The following IL1RAPL2 variants were observed in gnomAD, a reference collection of about 807,000 sequenced individuals.
The protein encoded by IL1RAPL2 is X-linked interleukin-1 receptor accessory protein-like 2.
Under a neutral mutation model 44.1 loss-of-function variants are expected in IL1RAPL2, and 3 were observed. The ratio of observed to expected loss-of-function variants is 0.07; its 90% confidence interval spans 0.03 to 0.18. The LOEUF (loss-of-function observed/expected upper bound fraction) is 0.18, where lower values mean the gene tolerates loss of function less well. IL1RAPL2 is among the 10% of genes least tolerant of loss of function. The pLI is 1.00. For missense variants in IL1RAPL2, 391 were observed against 496.4 expected, an observed-to-expected ratio of 0.79 and a Z score of 2.02; for synonymous variants, 181 against 178.8, an observed-to-expected ratio of 1.01 and a Z score of -0.10.
intron 2 of IL1RAPL2, among the ~76,000 whole-genome samples, chrX:104,893,797 A>G (rs1923545960): frequency 1.8e-5 from 2 of 111,382 alleles, no homozygotes; most frequent in Middle Eastern, 4.6e-3. Context: ...TTTAAGGTTA[A>G]TATTGTTATG....
intron 2 of IL1RAPL2, among the ~76,000 whole-genome samples, chrX:104,958,021 G>A (rs2029933637): frequency 8.9e-6 from 1 of 111,861 alleles, no homozygotes; most frequent in African/African-American, 3.3e-5. Flanking sequence ...GAGTCCAGAA[G>A]GTTAAGGCTG....
At chrX:104,584,456 T>G (rs1354026585) in intron 1 of IL1RAPL2, among the ~76,000 whole-genome samples, 1 of 110,980 alleles carries the variant, frequency 9.0e-6, no homozygotes, top group Non-Finnish European at 1.9e-5. Context: ...ATAAATAGTT[T>G]TTTTTTTTTT....
At chrX:105,509,377 A>G (rs2036454053) in intron 6 of IL1RAPL2, among the ~76,000 whole-genome samples, 1 of 111,778 alleles carries the variant, frequency 8.9e-6, no homozygotes, top group African/African-American at 3.2e-5. Context: ...TAAGGCCAAT[A>G]TTACAGACTA....
intron 3 of IL1RAPL2, chrX:105,220,818 A>C (rs2033955244): frequency 1.5e-5 from 2 of 136,895 alleles, no homozygotes; most frequent in South Asian, 6.7e-4. Context: ...GGAACCTGTC[A>C]CATGGTTGGG....
intron 6 of IL1RAPL2, among the ~76,000 whole-genome samples, chrX:105,688,561 C>T (rs891227347): frequency 9.9e-5 from 11 of 111,128 alleles, no homozygotes; most frequent in Non-Finnish European, 1.9e-4. Flanking sequence ...CACTGCTCAA[C>T]GAAATAAAAG....
intron 2 of IL1RAPL2, among the ~76,000 whole-genome samples, chrX:104,903,736 C>G (rs1923885771): frequency 9.1e-6 from 1 of 109,932 alleles, no homozygotes; most frequent in African/African-American, 3.3e-5. Context: ...CATCACCATG[C>G]CTGGCTAATT....
intron 2 of IL1RAPL2, among the ~76,000 whole-genome samples, chrX:104,734,906 C>T (rs922073607): frequency 6.3e-5 from 7 of 111,678 alleles, no homozygotes; most frequent in Non-Finnish European, 1.3e-4. Flanking sequence ...ATGCTTTTAT[C>T]CTGGTGTAAT....
At chrX:105,567,072 GA>G (rs1290027289) in intron 6 of IL1RAPL2, among the ~76,000 whole-genome samples, 4 of 110,895 alleles carry the variant, frequency 3.6e-5, no homozygotes, top group Non-Finnish European at 7.6e-5. Context: ...AGATCAGAAG[GA>G]AAAAAATTCT....
At chrX:104,910,961 G>C (rs1924217161) in intron 2 of IL1RAPL2, among the ~76,000 whole-genome samples, 1 of 112,064 alleles carries the variant, frequency 8.9e-6, no homozygotes, top group Non-Finnish European at 1.9e-5. Flanking sequence ...TAATATGATA[G>C]ATATAACAGA....
intron 2 of IL1RAPL2, among the ~76,000 whole-genome samples, chrX:104,910,416 T>C (rs1190804874): frequency 1.8e-5 from 2 of 112,106 alleles, no homozygotes; most frequent in African/African-American, 6.5e-5. Flanking sequence ...ATGTGCAGAA[T>C]GTGCAGGTTT....
chrX:104,630,195 T>TG lies in IL1RAPL2; in HGVS notation c.-19-28698dup, dbSNP rs554325986. Among the ~76,000 whole-genome samples the TG allele has an allele frequency of 2.8e-5, 3 of 105,729 alleles. No homozygotes were observed. The South Asian group carries it at 1.3e-3, about 45-fold the overall frequency. The allele number at this position is 105,729 out of a possible 115,157, so 91.8% of individuals were successfully genotyped here. ...CGTAGTCTCACTCTGTCACCAGGGC[T>TG]GGAGTACAGTGGCGCGATCTCGGCT... On this transcript the variant is annotated intron_variant, in intron 1 of 10. Coordinates refer to ENST00000372582, the MANE Select transcript of IL1RAPL2 (RefSeq NM_017416.2).
chrX:104,843,980 C>T (rs533001215), intron 2 of IL1RAPL2, among the ~76,000 whole-genome samples: 17 of 110,537 alleles, frequency 1.5e-4, no homozygotes, highest in African/African-American at 5.3e-4. Context: ...TGGCTTTGAC[C>T]ATGTGGAACT....
intron 2 of IL1RAPL2, among the ~76,000 whole-genome samples, chrX:104,732,679 A>G (rs764894370): frequency 5.4e-5 from 6 of 112,069 alleles, no homozygotes; most frequent in African/African-American, 1.9e-4. Context: ...GATTTCACAA[A>G]TTAGTTTATC....
intron 1 of IL1RAPL2, among the ~76,000 whole-genome samples, chrX:104,652,585 A>C (rs982708429): frequency 8.9e-6 from 1 of 111,952 alleles, no homozygotes; most frequent in African/African-American, 3.2e-5. Context: ...GTAGGCAAAG[A>C]CAACCAAGCT....
chrX:105,489,787 T>TTCTCTCTCTCTATCTCTCTCTC (rs2036300090), intron 6 of IL1RAPL2, among the ~76,000 whole-genome samples: 1 of 73,373 alleles, frequency 1.4e-5, no homozygotes, highest in East Asian at 4.4e-4. Flanking sequence ...CTTTCTCTCT[T>TTCTCTCTCTCTATCTCTCTCTC]TCTCTCTCTC....
In IL1RAPL2 at chrX:104,912,136, GAT is replaced by G. The variant is rs1491374026; in HGVS notation, c.82+253142_82+253143del. 6.9e-4 allele frequency among the ~76,000 whole-genome samples: 7 copies of G among 10,109 alleles called. No homozygotes were observed. The Non-Finnish European group carries it at 0.031, about 45-fold the overall frequency. 8.8% of individuals were successfully genotyped at this position (10,109 alleles called of 115,157 possible). On this transcript the variant is annotated intron_variant, in intron 2 of 10. Transcript: ENST00000372582. ...CTTTTATCAGCTGCAGGTGGACAGG[GAT>G]TTTTTTTTTTCTTTTTTTCCTTTGT...
intron 4 of IL1RAPL2, among the ~76,000 whole-genome samples, chrX:105,250,351 A>G (rs906326463): frequency 4.5e-5 from 5 of 111,355 alleles, no homozygotes; most frequent in Admixed American, 3.8e-4. Flanking sequence ...GACTGTACAA[A>G]ACACAGAGTG....
intron 6 of IL1RAPL2, among the ~76,000 whole-genome samples, chrX:105,524,436 G>A (rs2036581605): frequency 9.1e-6 from 1 of 110,100 alleles, no homozygotes. Context: ...AAAAAGCTGG[G>A]GGTGCAGTTA....
chrX:104,929,007 C>T (rs987546788), intron 2 of IL1RAPL2, among the ~76,000 whole-genome samples: 14 of 111,498 alleles, frequency 1.3e-4, no homozygotes, highest in Non-Finnish European at 2.4e-4. Context: ...ATTGGTATGT[C>T]AGGAAAAGAT....
Sources: gnomAD v4.1 joint callset for allele counts (sites outside exome capture counted in the v4.1 genomes callset) on GRCh38, gnomAD v4.1.1 for gene constraint, MANE v1.5 for transcripts, NCBI Gene and HGNC (gene_info 2026-07-23, HGNC 2026-07-21) for gene names.